Variants in IFFO2 observed in about 807,000 individuals in gnomAD.
IFFO2 encodes the protein intermediate filament family orphan 2.
A neutral mutation model predicts 53.5 loss-of-function variants in IFFO2; 19 were observed. That is an observed-to-expected ratio of 0.36 (90% CI 0.25 to 0.52). The LOEUF is 0.52. Ranked by LOEUF, IFFO2 falls within the 20% of genes least tolerant of loss-of-function variation. The probability of loss-of-function intolerance (pLI) is 0.94; values close to 1 mark genes in which losing one functional copy is unlikely to be tolerated. For synonymous variants in IFFO2, 303 were observed against 313.6 expected (o/e 0.97, Z 0.36); for missense variants, 570 against 727.4 (o/e 0.78, Z 2.49).
In IFFO2 at chr1:18,955,790, G is replaced by A. The variant is rs1161594399; in HGVS notation, c.543C>T (p.Pro181=). Residue 181 remains proline (P), a synonymous_variant, in exon 1 of 9, where the codon CCC becomes CCT. Coordinates refer to ENST00000455833, the MANE Select transcript of IFFO2 (RefSeq NM_001136265.2). ...GGGGVETVQG[P]GVSWVHPDGV... is the part of the protein sequence containing the mutation. ...CGTCGGGGTGCACCCACGACACGCC[G>A]GGGCCCTGCACGGTCTCCACGCCGC... 2 of 1,546,222 alleles carry A rather than the reference G, an allele frequency of 1.3e-6. No homozygotes were observed. Among genetic ancestry groups the A allele is most frequent in the Non-Finnish European group, 1.7e-6 (2 of 1,152,404 alleles).
chr1:18,945,327 T>C (rs1483247467), intron 1 of IFFO2, among the ~76,000 whole-genome samples: 3 of 151,994 alleles, frequency 2.0e-5, no homozygotes, highest in Non-Finnish European at 4.4e-5. Context: ...GATGGCCTTC[T>C]GCCTATTGCC....
rs1201102156 is a variant in IFFO2 at position 18,906,071 on chromosome 1, CAGG to C, written c.*2487_*2489del. On this transcript the variant is annotated 3_prime_UTR_variant, in exon 9 of 9. Coordinates refer to ENST00000455833, the MANE Select transcript of IFFO2 (RefSeq NM_001136265.2). ...TGTGGTGGAGAGGCAGGCAGGCAGGCAGGCAGGCCGGACCCAGGAACCAGCCCA... is the reference window on the plus strand; with the variant it reads ...TGTGGTGGAGAGGCAGGCAGGCAGGCCAGGCCGGACCCAGGAACCAGCCCA... The C allele has an allele frequency of 7.9e-5, 12 of 152,542 alleles. No individual in the cohort carries two copies. Among genetic ancestry groups the C allele is most frequent in the African/African-American group, 2.9e-4 (12 of 41,542 alleles). The allele number at this position is 152,542 out of a possible 1,614,324, so 9.4% of individuals were successfully genotyped here.
At chr1:18,933,301 C>G (rs559792763) in intron 1 of IFFO2, among the ~76,000 whole-genome samples, 1 of 152,204 alleles carries the variant, frequency 6.6e-6, no homozygotes. Context: ...GCATCTTCCT[C>G]CGTCCATGAG....
chr1:18,956,233 C>A lies in IFFO2; in HGVS notation c.100G>T (p.Gly34Trp). 4.4e-6 allele frequency: 5 copies of A among 1,125,476 alleles called. No individual in the cohort carries two copies. Among genetic ancestry groups the A allele is most frequent in the Non-Finnish European group, 5.7e-6 (5 of 881,092 alleles). The allele number at this position is 1,125,476 out of a possible 1,614,324, so 69.7% of individuals were successfully genotyped here. A position where few individuals can be genotyped will look rare whatever the true frequency, so the allele number is the denominator to read the frequency against. The change falls in exon 1 of 9, where the codon GGG (glycine) becomes TGG (tryptophan). Residue 34 changes from glycine (G) to tryptophan (W), a missense_variant. By Grantham distance (184) the Gly-to-Trp change is radical. Coordinates refer to ENST00000455833, the MANE Select transcript of IFFO2 (RefSeq NM_001136265.2). The surrounding 1 kb of genome is among the most constrained non-coding windows in gnomAD (Gnocchi z 6.4). ...ACCGGCGACGGACCCGGCCCTGCCC[C>A]GCCGCCGCCGCCGCCCCCGCCAGGG... ...GCPGGGGGGG[G>W]AGPGPSPVTA...
chr1:18,911,540 T>TTTA lies in IFFO2; in HGVS notation c.1225-67_1225-65dup, dbSNP rs1258812988. The stretch of plus-strand genomic sequence containing the variant: ...ATTTATTTATTTATTTATTTATTTA[T>TTTA]TTATTTATTTATTCTTGAGACGGAG... On this transcript the variant is annotated intron_variant, in intron 6 of 8. Transcript: ENST00000455833. 6 of 764,310 alleles carry TTTA rather than the reference T, an allele frequency of 7.9e-6. No individual in the cohort carries two copies. The African/African-American group carries it at 1.1e-4, about 14-fold the overall frequency. The allele number at this position is 764,310 out of a possible 1,614,324, so 47.3% of individuals were successfully genotyped here.
intron 1 of IFFO2, among the ~76,000 whole-genome samples, chr1:18,930,111 C>T (rs74560001): frequency 0.019 from 2,827 of 152,306 alleles, 105 homozygotes; most frequent in African/African-American, 0.064. Context: ...TGACCTTGAG[C>T]AAGCTATGAC....
At position 18,904,437 on chromosome 1, in the gene IFFO2, G is replaced by A. The variant is rs188532624; in HGVS notation, c.*4124C>T. 8.0e-4 allele frequency: 122 copies of A among 152,294 alleles called. No homozygotes were observed. Among genetic ancestry groups the A allele is most frequent in the African/African-American group, 2.9e-3 (119 of 41,548 alleles). 9.4% of individuals were successfully genotyped at this position (152,294 alleles called of 1,614,324 possible). A position where few individuals can be genotyped will look rare whatever the true frequency, so the allele number is the denominator to read the frequency against. Reference sequence around the variant, plus strand: ...CCCCTTCCCTGTGATGCTAGACCCAGCTGGCAGACAACAGCAACGGTGGGG... The same window carrying A: ...CCCCTTCCCTGTGATGCTAGACCCAACTGGCAGACAACAGCAACGGTGGGG... On this transcript the variant is annotated 3_prime_UTR_variant, in exon 9 of 9. Transcript: ENST00000455833.
At chr1:18,913,979 C>G (rs915268687) in intron 5 of IFFO2, among the ~76,000 whole-genome samples, 16 of 152,152 alleles carry the variant, frequency 1.1e-4, no homozygotes, top group Non-Finnish European at 2.1e-4. Flanking sequence ...CTACAGGCGC[C>G]CGCCACCACG....
In IFFO2 at chr1:18,918,849, C is replaced by G. The variant is rs538616851; in HGVS notation, c.823-347G>C. ...AGAAAGACAGCCCTTCTTTTCCCAC[C>G]GGCACACCCCACCTGTCCCCCACAC... On this transcript the variant is annotated intron_variant, in intron 3 of 8. Transcript: ENST00000455833. This position sits in a 1 kb window ranked among gnomAD's most constrained non-coding sequence, Gnocchi z 5.2. 6.6e-6 allele frequency among the ~76,000 whole-genome samples: 1 copy of G among 152,112 alleles called. No homozygotes were observed. Among genetic ancestry groups the G allele is most frequent in the Non-Finnish European group, 1.5e-5 (1 of 67,994 alleles).
intron 1 of IFFO2, among the ~76,000 whole-genome samples, chr1:18,955,200 A>C (rs1179868443): frequency 6.6e-6 from 1 of 152,150 alleles, no homozygotes; most frequent in Non-Finnish European, 1.5e-5. Context: ...CTTGGTAAAA[A>C]TACTTATGCT....
At chr1:18,955,381 T>TTAAA (rs1332722339) in intron 1 of IFFO2, among the ~76,000 whole-genome samples, 3 of 152,158 alleles carry the variant, frequency 2.0e-5, no homozygotes, top group African/African-American at 7.2e-5. Flanking sequence ...GTGCTGAGAA[T>TTAAA]TAAATGAGAT....
chr1:18,925,832 A>AT (rs1936277579), intron 1 of IFFO2, among the ~76,000 whole-genome samples: 1 of 69,966 alleles, frequency 1.4e-5, no homozygotes, highest in African/African-American at 5.8e-5. Context: ...GGATGGATGG[A>AT]TGGATGGATG....
At chr1:18,929,897 G>A (rs1367102400) in intron 1 of IFFO2, among the ~76,000 whole-genome samples, 2 of 152,200 alleles carry the variant, frequency 1.3e-5, no homozygotes, top group Non-Finnish European at 2.9e-5. Flanking sequence ...GGCCCACCCA[G>A]CCAAGCCAGA....
intron 1 of IFFO2, among the ~76,000 whole-genome samples, chr1:18,938,290 C>G (rs6665361): frequency 0.14 from 21,738 of 152,274 alleles, 2,387 homozygotes; most frequent in African/African-American, 0.3. Context: ...ACACCAGTGC[C>G]TAACATTATT....
At chr1:18,931,200 A>T (rs1936371352) in intron 1 of IFFO2, among the ~76,000 whole-genome samples, 1 of 152,102 alleles carries the variant, frequency 6.6e-6, no homozygotes, top group African/African-American at 2.4e-5. Context: ...CCTTTGGAGA[A>T]ACTGCAGCTC....
At chr1:18,913,936 A>G (rs1446701588) in intron 5 of IFFO2, among the ~76,000 whole-genome samples, 8 of 149,580 alleles carry the variant, frequency 5.3e-5, no homozygotes, top group Non-Finnish European at 3.0e-5. Flanking sequence ...GGTTCACGCC[A>G]TTCTCCTGCC....
rs79736717 is a variant in IFFO2, at chr1:18,917,754, GC to G, written c.963+607del. On this transcript the variant is annotated intron_variant, in intron 4 of 8. Transcript: ENST00000455833. The surrounding 1 kb of genome is among the most constrained non-coding windows in gnomAD (Gnocchi z 5.9). ...ACATGTGCCTCATTCGGCTGGACTG[GC>G]CCCCCAAGCCCTCTCTGGAAGACAG... 0.013 allele frequency among the ~76,000 whole-genome samples: 2,048 copies of G among 152,052 alleles called. 43 individuals are homozygous for G. Among genetic ancestry groups the G allele is most frequent in the East Asian group, 0.11 (570 of 5,152 alleles).
chr1:18,920,654 C>A (rs1047734620), intron 2 of IFFO2, among the ~76,000 whole-genome samples: 3 of 152,168 alleles, frequency 2.0e-5, no homozygotes, highest in Admixed American at 6.5e-5. Flanking sequence ...TGCGACGTGC[C>A]CACCTGCCCT....
At chr1:18,926,369 G>C (rs1193024604) in intron 1 of IFFO2, among the ~76,000 whole-genome samples, 1 of 152,198 alleles carries the variant, frequency 6.6e-6, no homozygotes, top group Non-Finnish European at 1.5e-5. Context: ...AGGGCAGGAA[G>C]CAGGCAGGAG....
Sources: gnomAD v4.1 joint callset for allele counts (sites outside exome capture counted in the v4.1 genomes callset) on GRCh38, gnomAD v4.1.1 for gene constraint, Gnocchi (gnomAD v3.1) non-coding constraint, MANE v1.5 for transcripts, NCBI Gene and HGNC (gene_info 2026-07-23, HGNC 2026-07-21) for gene names.